The following VWA3A variants were observed in gnomAD, a reference collection of about 807,000 sequenced individuals.
VWA3A encodes the protein von Willebrand factor A domain containing 3A.
A neutral mutation model predicts 160.4 loss-of-function variants in VWA3A; 134 were observed. The observed-to-expected ratio is 0.84, with a 90% confidence interval of 0.73 to 0.96. The LOEUF is 0.96. Ranked by LOEUF, VWA3A falls within the 40% of genes least tolerant of loss-of-function variation. The pLI, the probability that VWA3A is intolerant of heterozygous loss-of-function variation, is 0.00. For synonymous variants in VWA3A, 476 were observed against 543.4 expected (o/e 0.88, Z 1.72); for missense variants, 1,310 against 1,447.9 (o/e 0.90, Z 1.55).
rs2045612617 is a variant in VWA3A, at chr16:22,115,222, G to A, written c.690-125G>A. 2.7e-6 allele frequency: 3 copies of A among 1,125,654 alleles called. No individual in the cohort carries two copies. In the South Asian group the frequency reaches 5.3e-5, roughly 20 times the overall value. 69.7% of individuals were successfully genotyped at this position (1,125,654 alleles called of 1,614,324 possible). ...GCCCAGGAGTTCGAGGTTACAGTGA[G>A]CTATGATTGCACCACTGCACTTCAG... is the stretch of plus-strand genomic sequence containing the variant. On this transcript the variant is annotated intron_variant, in intron 8 of 33. Transcript: ENST00000389398.
In VWA3A at chr16:22,156,814, TAAAAAC is replaced by T. The variant is rs2046448863; in HGVS notation, c.*800_*805del. The T allele has an allele frequency of 6.6e-6, 1 of 152,318 alleles. No individual in the cohort carries two copies. The highest frequency in any genetic ancestry group is 1.9e-4 in the East Asian group (1 of 5,192). The allele number at this position is 152,318 out of a possible 1,614,324, so 9.4% of individuals were successfully genotyped here. The stretch of plus-strand genomic sequence containing the variant: ...CTCATCTGGGTTCATTTTCTAAAAT[TAAAAAC>T]AATTAATTTTATTCTACTAATAGGA... On this transcript the variant is annotated 3_prime_UTR_variant, in exon 34 of 34. Transcript: ENST00000389398.
chr16:22,120,086 T>C (rs189714146), intron 12 of VWA3A, among the ~76,000 whole-genome samples: 1 of 152,280 alleles, frequency 6.6e-6, no homozygotes, highest in East Asian at 1.9e-4. Context: ...TGTTCAATTA[T>C]TTAAATGCTT....
intron 5 of VWA3A, 69 bp from the exon 6 acceptor site, chr16:22,103,406 G>T (rs576517532): frequency 1.4e-6 from 2 of 1,379,672 alleles, no homozygotes; most frequent in East Asian, 2.5e-5. Context: ...TGCCTTTTGT[G>T]TATGTAAGTG....
intron 6 of VWA3A, among the ~76,000 whole-genome samples, chr16:22,107,434 A>C (rs2045497273): frequency 6.6e-6 from 1 of 152,148 alleles, no homozygotes; most frequent in Non-Finnish European, 1.5e-5. Context: ...AAGTTGGCAA[A>C]CCCTGGGGTA....
intron 16 of VWA3A, among the ~76,000 whole-genome samples, chr16:22,125,526 C>G (rs8045345): frequency 3.6e-4 from 55 of 152,068 alleles, no homozygotes; most frequent in African/African-American, 1.3e-3. Context: ...CGGGTTCATG[C>G]CATTCTCCTG....
chr16:22,102,920 G>A (rs2045428110), intron 5 of VWA3A, among the ~76,000 whole-genome samples: 1 of 152,188 alleles, frequency 6.6e-6, no homozygotes, highest in Admixed American at 6.5e-5. Context: ...GGGAGGGCCT[G>A]ATTCCACCCC....
chr16:22,156,030 A>G lies in VWA3A; in HGVS notation c.*15-2A>G. 1 of 1,198,048 alleles carries G rather than the reference A, an allele frequency of 8.3e-7. No individual in the cohort carries two copies. Among genetic ancestry groups the G allele is most frequent in the Non-Finnish European group, 1.2e-6 (1 of 847,660 alleles). The allele number at this position is 1,198,048 out of a possible 1,614,324, so 74.2% of individuals were successfully genotyped here. A position where few individuals can be genotyped will look rare whatever the true frequency, so the allele number is the denominator to read the frequency against. ...TTAAAAAATAATGATTCCTCTAAAC[A>G]GAAAAGTCATCCTGCAAAGGACCAC... On this transcript the variant is annotated splice_acceptor_variant, in intron 33 of 33. Coordinates refer to ENST00000389398, the MANE Select transcript of VWA3A (RefSeq NM_173615.5). LOFTEE classifies it low-confidence loss of function (3UTR_SPLICE).
chr16:22,131,482 G>A (rs1476045476), intron 18 of VWA3A, 103 bp from the exon 19 acceptor site: 16 of 1,522,814 alleles, frequency 1.1e-5, no homozygotes, highest in African/African-American at 5.5e-5. Context: ...TGATGACATC[G>A]ACTCCATCAC....
chr16:22,124,103 T>G (rs6497569), intron 16 of VWA3A, among the ~76,000 whole-genome samples: 1 of 150,026 alleles, frequency 6.7e-6, no homozygotes, highest in Admixed American at 6.7e-5. Context: ...GTCGCTTGAG[T>G]CCAGGGGCTC....
chr16:22,115,835 AAGGAAGG>A (rs2045622354), intron 9 of VWA3A, among the ~76,000 whole-genome samples: 1 of 1,442 alleles, frequency 6.9e-4, no homozygotes, highest in South Asian at 0.028. Flanking sequence ...AGACCCAGGG[AAGGAAGG>A]AAGGAAGGAA....
Position 22,155,845 on chromosome 16 carries a change from C to T in VWA3A, c.3504-6C>T. 6.2e-7 allele frequency: 1 copy of T among 1,613,912 alleles called. No homozygotes were observed. The highest frequency in any genetic ancestry group is 1.1e-5 in the South Asian group (1 of 91,078). ...AGACCATCTTTCTTCATCTCCTGCC[C>T]ACCAGATCCCAACTCCAGAAGAAAA... On this transcript the variant is annotated splice_region_variant and splice_polypyrimidine_tract_variant and intron_variant, in intron 32 of 33. Transcript: ENST00000389398.
intron 21 of VWA3A, among the ~76,000 whole-genome samples, chr16:22,134,663 T>C (rs34330439): frequency 0.088 from 13,126 of 149,654 alleles, 657 homozygotes; most frequent in South Asian, 0.17. Flanking sequence ...AATTGGTGTT[T>C]GTTTGTTTGT....
At chr16:22,144,039 T>A (rs1354223529) in intron 25 of VWA3A, among the ~76,000 whole-genome samples, 1 of 151,850 alleles carries the variant, frequency 6.6e-6, no homozygotes, top group Non-Finnish European at 1.5e-5. Flanking sequence ...AGCCACCGCG[T>A]CCAGCCTGCA....
intron 6 of VWA3A, among the ~76,000 whole-genome samples, chr16:22,104,567 T>C (rs140356402): frequency 0.013 from 1,935 of 152,178 alleles, 44 homozygotes; most frequent in African/African-American, 0.044. Context: ...TAGTCCCAGC[T>C]ACTTGAGAGG....
chr16:22,123,586 C>A (rs183568247), intron 15 of VWA3A, 27 bp from the exon 16 acceptor site: 1 of 1,613,744 alleles, frequency 6.2e-7, no homozygotes, highest in African/African-American at 1.3e-5. Context: ...TTTGAGCAGC[C>A]GCTCACTGTG....
intron 18 of VWA3A, 77 bp from the exon 19 acceptor site, chr16:22,131,508 G>T (rs2045947683): frequency 3.8e-6 from 6 of 1,577,376 alleles, no homozygotes; most frequent in Non-Finnish European, 5.2e-6. Context: ...AGATGGAAAA[G>T]GCTCTCAGCT....
chr16:22,115,856 A>G lies in VWA3A; in HGVS notation c.815+384A>G, dbSNP rs1412109076. Among the ~76,000 whole-genome samples, 7 of 6,098 alleles carry G rather than the reference A, an allele frequency of 1.1e-3. No homozygotes were observed. The African/African-American group carries it at 0.02, about 18-fold the overall frequency. The allele number at this position is 6,098 out of a possible 152,430, so 4.0% of individuals were successfully genotyped here. ...AGGGAAGGAAGGAAGGAAGGAAGGA[A>G]GGAAGGAAGGAAGGAAGGAAGGAAG... On this transcript the variant is annotated intron_variant, in intron 9 of 33. Coordinates refer to ENST00000389398, the MANE Select transcript of VWA3A (RefSeq NM_173615.5).
chr16:22,093,315 A>T (rs1901404146), intron 1 of VWA3A, among the ~76,000 whole-genome samples: 1 of 152,200 alleles, frequency 6.6e-6, no homozygotes, highest in Non-Finnish European at 1.5e-5. Flanking sequence ...GCAAATATAT[A>T]GAATGTATTT....
chr16:22,102,780 G>A (rs2045425377), intron 5 of VWA3A, among the ~76,000 whole-genome samples: 1 of 152,132 alleles, frequency 6.6e-6, no homozygotes, highest in Non-Finnish European at 1.5e-5. Flanking sequence ...TGCAAGGGTG[G>A]TCTTCCAACT....
Sources: allele counts gnomAD v4.1 joint callset (sites outside exome capture counted in the v4.1 genomes callset), GRCh38; gene constraint gnomAD v4.1.1; transcripts MANE v1.5; gene names NCBI Gene and HGNC (gene_info 2026-07-23, HGNC 2026-07-21).